The following LGR5 variants were observed in gnomAD, a reference collection of about 807,000 sequenced individuals.
The protein encoded by LGR5 is leucine rich repeat containing G protein-coupled receptor 5, also known as leucine-rich repeat-containing G protein-coupled receptor 5.
A neutral mutation model predicts 76.7 loss-of-function variants in LGR5; 54 were observed. That is an observed-to-expected ratio of 0.70 (90% CI 0.57 to 0.88). The LOEUF (loss-of-function observed/expected upper bound fraction) is 0.88. Ranked by LOEUF, LGR5 falls within the 40% of genes least tolerant of loss-of-function variation. The probability of loss-of-function intolerance (pLI) is 0.00; values close to 1 mark genes in which losing one functional copy is unlikely to be tolerated. For synonymous variants in LGR5, 406 were observed against 421.9 expected, an observed-to-expected ratio of 0.96 and a Z score of 0.46; for missense variants, 1,078 against 1,073.3, an observed-to-expected ratio of 1.00 and a Z score of -0.06.
intron 2 of LGR5, 75 bp from the exon 3 acceptor site, chr12:71,524,331 C>A (rs1235546412): frequency 2.8e-6 from 3 of 1,063,766 alleles, no homozygotes; most frequent in Non-Finnish European, 4.2e-6. Flanking sequence ...AGTTGTATTG[C>A]ATTTTTTTAA....
chr12:71,494,112 T>G (rs1874206287), intron 1 of LGR5, among the ~76,000 whole-genome samples: 1 of 149,158 alleles, frequency 6.7e-6, no homozygotes, highest in South Asian at 2.1e-4. Context: ...CCCGGCTAAT[T>G]TTTTATACTT....
At chr12:71,500,864 A>C (rs1268154165) in intron 1 of LGR5, among the ~76,000 whole-genome samples, 1 of 152,214 alleles carries the variant, frequency 6.6e-6, no homozygotes, top group African/African-American at 2.4e-5. Flanking sequence ...GTGATCAGTA[A>C]TATAGCATAG....
intron 8 of LGR5, among the ~76,000 whole-genome samples, chr12:71,565,667 A>G (rs1242762703): frequency 6.6e-6 from 1 of 150,826 alleles, no homozygotes; most frequent in Non-Finnish European, 1.5e-5. Context: ...CAGCTTTTTA[A>G]TGAATCAATC....
intron 1 of LGR5, among the ~76,000 whole-genome samples, chr12:71,474,582 G>A (rs1053353008): frequency 1.2e-4 from 19 of 152,096 alleles, no homozygotes; most frequent in Admixed American, 2.6e-4. Flanking sequence ...GTTTATAAAC[G>A]GATGGTTTAG....
At chr12:71,441,756 A>G (rs1202358101) in intron 1 of LGR5, 22 of 152,174 alleles carry the variant, frequency 1.4e-4, no homozygotes, top group Non-Finnish European at 4.4e-5. Context: ...AGAATGTTAA[A>G]ACTGTTTCCC....
chr12:71,518,253 T>G (rs571958096), intron 2 of LGR5, among the ~76,000 whole-genome samples: 24 of 151,768 alleles, frequency 1.6e-4, no homozygotes, highest in Admixed American at 3.9e-4. Context: ...AAAAAAAAGC[T>G]CAGCATTACT....
chr12:71,481,338 C>T (rs149385061), intron 1 of LGR5, among the ~76,000 whole-genome samples: 2 of 152,008 alleles, frequency 1.3e-5, no homozygotes, highest in Non-Finnish European at 1.5e-5. Flanking sequence ...TGAGTGAGAA[C>T]ATGCAGTGTT....
chr12:71,577,781 A>T (rs955837651), intron 13 of LGR5, 144 bp from the exon 14 acceptor site: 1 of 581,604 alleles, frequency 1.7e-6, no homozygotes, highest in Non-Finnish European at 3.1e-6. Context: ...CTAATATGAT[A>T]ATCTGAAGGG....
At chr12:71,503,795 T>G (rs556711367) in intron 1 of LGR5, among the ~76,000 whole-genome samples, 1 of 152,306 alleles carries the variant, frequency 6.6e-6, no homozygotes, top group Non-Finnish European at 1.5e-5. Context: ...TTGATTAGAA[T>G]CTGTCCAGCT....
chr12:71,486,838 A>G (rs1027451815), intron 1 of LGR5, among the ~76,000 whole-genome samples: 12 of 151,856 alleles, frequency 7.9e-5, no homozygotes, highest in African/African-American at 2.9e-4. Context: ...AAAAAAAAAA[A>G]GAGGGGCTCT....
chr12:71,455,718 A>C (rs559968657), intron 1 of LGR5, among the ~76,000 whole-genome samples: 1 of 152,240 alleles, frequency 6.6e-6, no homozygotes, highest in Admixed American at 6.5e-5. Flanking sequence ...TCATAAACTT[A>C]CTTTAAGCTT....
chr12:71,520,577 T>A (rs1031610869), intron 2 of LGR5, among the ~76,000 whole-genome samples: 1 of 152,034 alleles, frequency 6.6e-6, no homozygotes, highest in African/African-American at 2.4e-5. Context: ...GGGACATAGA[T>A]GAAACTGGAA....
intron 2 of LGR5, among the ~76,000 whole-genome samples, chr12:71,520,538 TA>T (rs1875674144): frequency 6.6e-6 from 1 of 151,992 alleles, no homozygotes; most frequent in Non-Finnish European, 1.5e-5. Context: ...TACGCAGCCA[TA>T]AAAAAGGATG....
chr12:71,559,743 T>TAA, intron 7 of LGR5, 89 bp downstream of exon 7: 1 of 699,828 alleles, frequency 1.4e-6, no homozygotes, highest in South Asian at 2.0e-5. Context: ...ATAATATGAC[T>TAA]TGCTAGAAAA....
Position 71,535,129 on chromosome 12 carries a change from A to G in LGR5, c.371A>G (p.Asn124Ser), listed in dbSNP as rs1362319321. The change falls in exon 4 of 18, where the codon AAT (asparagine) becomes AGT (serine). Residue 124 changes from asparagine (N) to serine (S), a missense_variant. Asn to Ser is a conservative substitution (Grantham distance 46). Transcript: ENST00000266674. The stretch of plus-strand genomic sequence containing the variant: ...TTAACATACAGTATGCTGCAGAATA[A>G]TCAGCTAAGACACGTACCCACAGAA... ...YSLKVLMLQN[N>S]QLRHVPTEAL... 1 of 1,611,150 alleles carries G rather than the reference A, an allele frequency of 6.2e-7. No homozygotes were observed. The highest frequency in any genetic ancestry group is 8.5e-7 in the Non-Finnish European group (1 of 1,177,986).
chr12:71,499,013 C>A (rs1001216109), intron 1 of LGR5, among the ~76,000 whole-genome samples: 2 of 152,046 alleles, frequency 1.3e-5, no homozygotes, highest in African/African-American at 4.8e-5. Flanking sequence ...ACACGAAGAC[C>A]GTGAATTTAT....
At chr12:71,497,057 T>A (rs1592491041) in intron 1 of LGR5, among the ~76,000 whole-genome samples, 2 of 152,178 alleles carry the variant, frequency 1.3e-5, no homozygotes, top group Admixed American at 1.3e-4. Context: ...GGCATGCCTG[T>A]AATCCCAGCA....
At chr12:71,572,585 T>C (rs1221677393) in intron 12 of LGR5, among the ~76,000 whole-genome samples, 1 of 151,950 alleles carries the variant, frequency 6.6e-6, no homozygotes, top group Non-Finnish European at 1.5e-5. Flanking sequence ...ACTAGAAGAG[T>C]CCTCCAGTGT....
chr12:71,553,551 A>G (rs1020736847), intron 5 of LGR5, among the ~76,000 whole-genome samples: 5 of 152,210 alleles, frequency 3.3e-5, no homozygotes, highest in Non-Finnish European at 5.9e-5. Flanking sequence ...AGCCCCTTGC[A>G]TGTTGCACAA....
Sources: gnomAD v4.1 joint callset for allele counts (sites outside exome capture counted in the v4.1 genomes callset) on GRCh38, gnomAD v4.1.1 for gene constraint, MANE v1.5 for transcripts, NCBI Gene and HGNC (gene_info 2026-07-23, HGNC 2026-07-21) for gene names.